PLCL1: variants seen among roughly 807,000 people sequenced by gnomAD.
PLCL1 encodes the protein inactive phospholipase C-like protein 1.
A neutral mutation model predicts 84.4 loss-of-function variants in PLCL1; 41 were observed. The observed-to-expected ratio is 0.49, with a 90% CI of 0.38 to 0.63. The LOEUF is 0.63. PLCL1 is among the 30% of genes least tolerant of loss of function. The pLI, the probability that PLCL1 is intolerant of heterozygous loss-of-function variation, is 0.00. For missense variants in PLCL1, 1,206 were observed against 1,367.8 expected, an observed-to-expected ratio of 0.88 and a Z score of 1.87; for synonymous variants, 490 against 488.3, an observed-to-expected ratio of 1.00 and a Z score of -0.05.
At chr2:198,141,206 G>A (rs1330701521) in intron 5 of PLCL1, among the ~76,000 whole-genome samples, 1 of 152,200 alleles carries the variant, frequency 6.6e-6, no homozygotes, top group Non-Finnish European at 1.5e-5. Flanking sequence ...GTAGAATGCA[G>A]TTGAAATATT....
At chr2:197,943,407 C>T (rs1689202095) in intron 1 of PLCL1, among the ~76,000 whole-genome samples, 1 of 151,966 alleles carries the variant, frequency 6.6e-6, no homozygotes, top group South Asian at 2.1e-4. Flanking sequence ...ATTGATTTGT[C>T]CCATTTCATT....
At chr2:197,809,809 AGTGTGTGTGT>A (rs3056067) in intron 1 of PLCL1, among the ~76,000 whole-genome samples, 11 of 146,652 alleles carry the variant, frequency 7.5e-5, no homozygotes, top group Middle Eastern at 3.4e-3. Flanking sequence ...GAGCTCTGAA[AGTGTGTGTGT>A]GTGTGTGTGT....
At chr2:197,916,248 T>G (rs1688598512) in intron 1 of PLCL1, among the ~76,000 whole-genome samples, 1 of 152,240 alleles carries the variant, frequency 6.6e-6, no homozygotes. Flanking sequence ...TTTCAAGTAT[T>G]TTTAAGCACT....
chr2:197,863,878 A>T (rs1205279069), intron 1 of PLCL1, among the ~76,000 whole-genome samples: 1 of 152,174 alleles, frequency 6.6e-6, no homozygotes, highest in Non-Finnish European at 1.5e-5. Context: ...GAGCACTTTG[A>T]TAAGATAGCT....
At chr2:197,905,340 C>T (rs138274938) in intron 1 of PLCL1, among the ~76,000 whole-genome samples, 1,859 of 152,282 alleles carry the variant, frequency 0.012, 49 homozygotes, top group African/African-American at 0.042. Flanking sequence ...AGTGAGAACA[C>T]GCAGTGTTCA....
intron 1 of PLCL1, among the ~76,000 whole-genome samples, chr2:197,940,047 A>T (rs757128064): frequency 3.9e-5 from 6 of 152,180 alleles, no homozygotes; most frequent in Non-Finnish European, 7.3e-5. Flanking sequence ...GTATCACTGC[A>T]CTAATATGTG....
At chr2:197,885,346 G>A (rs1687900558) in intron 1 of PLCL1, among the ~76,000 whole-genome samples, 1 of 152,150 alleles carries the variant, frequency 6.6e-6, no homozygotes, top group Non-Finnish European at 1.5e-5. Context: ...AGGAACTGAT[G>A]GTGTGAATCC....
chr2:198,122,808 A>G (rs147569031), intron 5 of PLCL1, among the ~76,000 whole-genome samples: 120 of 152,268 alleles, frequency 7.9e-4, no homozygotes, highest in African/African-American at 2.1e-3. Context: ...ACTTATAGTT[A>G]TAAAATATGT....
chr2:197,824,217 G>A (rs1447890826), intron 1 of PLCL1, among the ~76,000 whole-genome samples: 48 of 151,978 alleles, frequency 3.2e-4, no homozygotes, highest in Admixed American at 3.1e-3. Flanking sequence ...TCAGACTTAA[G>A]AGACACCTAA....
At chr2:197,968,049 C>T (rs1183334301) in intron 1 of PLCL1, among the ~76,000 whole-genome samples, 2 of 152,146 alleles carry the variant, frequency 1.3e-5, no homozygotes, top group Non-Finnish European at 2.9e-5. Flanking sequence ...AATTGTCTTT[C>T]ACTTATTATT....
chr2:198,057,255 G>A (rs1692090339), intron 1 of PLCL1, among the ~76,000 whole-genome samples: 1 of 152,096 alleles, frequency 6.6e-6, no homozygotes, highest in Non-Finnish European at 1.5e-5. Context: ...GGTTCATAAT[G>A]AAAGCAGTCT....
Position 198,084,745 on chromosome 2 carries a change from A to T in PLCL1, c.1228A>T (p.Asn410Tyr), listed in dbSNP as rs1436639395. The T allele has an allele frequency of 1.9e-6, 3 of 1,614,108 alleles. No individual in the cohort carries two copies. The highest frequency in any genetic ancestry group is 2.5e-6 in the Non-Finnish European group (3 of 1,179,974). The change falls in exon 2 of 6, where the codon AAT becomes TAT. Residue 410 changes from asparagine to tyrosine, a missense_variant. Asn to Tyr is a moderately radical substitution (Grantham distance 143). Transcript: ENST00000428675. ...CCAGCCATTATCTCACTACTATATC[A>T]ATGCCTCTCATAACACCTATCTAAT... ...MTQPLSHYYI[N>Y]ASHNTYLIED...
rs776889951 is a variant in PLCL1, at chr2:197,971,563, T to C, written c.241-112195T>C. On this transcript the variant is annotated intron_variant, in intron 1 of 5. Coordinates refer to ENST00000428675, the MANE Select transcript of PLCL1 (RefSeq NM_006226.4). ...GAGGTGACACAGGGGAAGGGGAAGA[T>C]AGATACTCTCATCAAAAGACCATAG... 4.6e-5 allele frequency among the ~76,000 whole-genome samples: 7 copies of C among 152,164 alleles called. 1 individual carries two copies. Among genetic ancestry groups the C allele is most frequent in the Admixed American group, 2.0e-4 (3 of 15,266 alleles).
At chr2:198,047,893 A>G (rs901855286) in intron 1 of PLCL1, among the ~76,000 whole-genome samples, 2 of 152,214 alleles carry the variant, frequency 1.3e-5, no homozygotes, top group Non-Finnish European at 2.9e-5. Context: ...GGAGGTTAAA[A>G]TCAGAAGTAG....
At chr2:198,056,422 G>T (rs1234730071) in intron 1 of PLCL1, among the ~76,000 whole-genome samples, 2 of 152,146 alleles carry the variant, frequency 1.3e-5, no homozygotes, top group Non-Finnish European at 2.9e-5. Flanking sequence ...GGAGACCAAG[G>T]CCTCTGAGTC....
chr2:197,957,741 A>G (rs1045480562), intron 1 of PLCL1, among the ~76,000 whole-genome samples: 60 of 152,082 alleles, frequency 3.9e-4, no homozygotes, highest in African/African-American at 1.4e-3. Context: ...GAGGAATGTT[A>G]CTTTTTATGC....
At chr2:197,954,705 CTT>C (rs1463367150) in intron 1 of PLCL1, among the ~76,000 whole-genome samples, 3 of 152,166 alleles carry the variant, frequency 2.0e-5, no homozygotes, top group African/African-American at 7.2e-5. Flanking sequence ...GAATTTCACA[CTT>C]AAGTTCATTA....
intron 1 of PLCL1, among the ~76,000 whole-genome samples, chr2:197,861,247 G>T (rs1687429660): frequency 6.6e-6 from 1 of 152,104 alleles, no homozygotes; most frequent in Admixed American, 6.6e-5. Context: ...ATCACCAATA[G>T]ACAATATTTT....
intron 1 of PLCL1, among the ~76,000 whole-genome samples, chr2:197,903,514 C>T (rs1688312527): frequency 2.2e-5 from 2 of 90,370 alleles, no homozygotes; most frequent in Non-Finnish European, 4.0e-5. Flanking sequence ...GACGGAGTCT[C>T]GCTTTGTCGC....
Sources: allele counts gnomAD v4.1 joint callset (sites outside exome capture counted in the v4.1 genomes callset), GRCh38; gene constraint gnomAD v4.1.1; transcripts MANE v1.5; gene names NCBI Gene and HGNC (gene_info 2026-07-23, HGNC 2026-07-21).